NKAIN2: variants seen among roughly 807,000 people sequenced by gnomAD.
NKAIN2 encodes the protein sodium/potassium transporting ATPase interacting 2.
In NKAIN2, 14 loss-of-function variants were observed where a neutral mutation model predicts 32.6. That is an observed-to-expected ratio of 0.43 (90% CI 0.28 to 0.67). NKAIN2 has a LOEUF of 0.67. NKAIN2 is among the 30% of genes least tolerant of loss of function. NKAIN2 has a pLI of 0.17. For missense variants in NKAIN2, 198 were observed against 258.3 expected (o/e 0.77, Z 1.60); for synonymous variants, 80 against 87.2 (o/e 0.92, Z 0.46).
At chr6:124,102,669 G>GTGAA (rs1410934075) in intron 1 of NKAIN2, among the ~76,000 whole-genome samples, 3 of 152,130 alleles carry the variant, frequency 2.0e-5, no homozygotes, top group African/African-American at 7.2e-5. Flanking sequence ...GTCCTCTTTT[G>GTGAA]TGAATGTATT....
intron 1 of NKAIN2, among the ~76,000 whole-genome samples, chr6:124,278,650 C>CATTAT (rs1317788062): frequency 2.8e-4 from 19 of 68,992 alleles, no homozygotes; most frequent in African/African-American, 8.6e-4. Context: ...ATACATAGCT[C>CATTAT]ATATATATAT....
At chr6:124,180,608 C>T (rs1789393783) in intron 1 of NKAIN2, among the ~76,000 whole-genome samples, 1 of 152,172 alleles carries the variant, frequency 6.6e-6, no homozygotes, top group African/African-American at 2.4e-5. Flanking sequence ...CATGCCTTCC[C>T]AGCAGTCCCC....
intron 3 of NKAIN2, among the ~76,000 whole-genome samples, chr6:124,580,563 T>C (rs1010506376): frequency 4.6e-5 from 7 of 151,802 alleles, no homozygotes. Context: ...CAGAGAAAAT[T>C]ACCTTCACTA....
At chr6:124,067,911 C>A (rs1241309374) in intron 1 of NKAIN2, among the ~76,000 whole-genome samples, 1 of 152,082 alleles carries the variant, frequency 6.6e-6, no homozygotes, top group African/African-American at 2.4e-5. Flanking sequence ...AGAAACAAAG[C>A]AAAATCTAGT....
chr6:124,579,767 C>T (rs897814903), intron 3 of NKAIN2, among the ~76,000 whole-genome samples: 2 of 152,058 alleles, frequency 1.3e-5, no homozygotes, highest in African/African-American at 2.4e-5. Context: ...AATAAGACTA[C>T]CTTAAGACAT....
At chr6:124,730,755 C>T (rs1348658180) in intron 4 of NKAIN2, among the ~76,000 whole-genome samples, 1 of 151,814 alleles carries the variant, frequency 6.6e-6, no homozygotes, top group African/African-American at 2.4e-5. Context: ...AAAGAAACTA[C>T]CATCAGAGTG....
chr6:124,702,741 C>G (rs1774861277), intron 4 of NKAIN2, among the ~76,000 whole-genome samples: 1 of 152,046 alleles, frequency 6.6e-6, no homozygotes, highest in South Asian at 2.1e-4. Context: ...AGCCCAACTG[C>G]CAGCACAAAT....
At chr6:123,899,994 G>A (rs987397601) in intron 1 of NKAIN2, among the ~76,000 whole-genome samples, 2 of 152,114 alleles carry the variant, frequency 1.3e-5, no homozygotes, top group African/African-American at 4.8e-5. Flanking sequence ...CCTGCTTAGC[G>A]AGGCTGGGCT....
At chr6:124,301,789 C>T (rs574141277) in intron 2 of NKAIN2, among the ~76,000 whole-genome samples, 2 of 152,228 alleles carry the variant, frequency 1.3e-5, no homozygotes, top group South Asian at 4.1e-4. Context: ...GCATATTTAC[C>T]CAATGCCCAT....
At chr6:124,241,803 T>A (rs2114774310) in intron 1 of NKAIN2, among the ~76,000 whole-genome samples, 1 of 151,842 alleles carries the variant, frequency 6.6e-6, no homozygotes, top group African/African-American at 2.4e-5. Context: ...ATCTATTTAA[T>A]ATATTTTTTT....
chr6:124,138,197 A>G (rs1050724814), intron 1 of NKAIN2, among the ~76,000 whole-genome samples: 4 of 152,224 alleles, frequency 2.6e-5, no homozygotes, highest in Non-Finnish European at 5.9e-5. Context: ...ACAGTTCTCA[A>G]AAGAAGATAT....
chr6:124,513,095 C>G (rs1778778316), intron 3 of NKAIN2, among the ~76,000 whole-genome samples: 1 of 152,110 alleles, frequency 6.6e-6, no homozygotes, highest in Non-Finnish European at 1.5e-5. Flanking sequence ...GACTCACGGA[C>G]TCTTTACTGT....
At chr6:124,064,376 T>C (rs1170350098) in intron 1 of NKAIN2, among the ~76,000 whole-genome samples, 1 of 152,194 alleles carries the variant, frequency 6.6e-6, no homozygotes, top group Admixed American at 6.6e-5. Flanking sequence ...CCATATTAAA[T>C]GTGATTAGAT....
At chr6:124,631,081 A>C (rs1482737304) in intron 3 of NKAIN2, among the ~76,000 whole-genome samples, 1 of 152,186 alleles carries the variant, frequency 6.6e-6, no homozygotes, top group Non-Finnish European at 1.5e-5. Flanking sequence ...AATTTGAGTC[A>C]TTCCTTTGGT....
chr6:124,045,885 T>G (rs1273960756), intron 1 of NKAIN2, among the ~76,000 whole-genome samples: 1 of 152,034 alleles, frequency 6.6e-6, no homozygotes, highest in Non-Finnish European at 1.5e-5. Context: ...ATGTTTGAGT[T>G]TAAATTGAAA....
At position 124,825,313 on chromosome 6, in the gene NKAIN2, T is replaced by TCAC. The variant is rs1781543204; in HGVS notation, c.*2090_*2092dup. ...AGTTTTCACCAAATCACAACTATCATCACCACCAAAATTTTAAAAAACAGT... is the reference window on the plus strand; with the variant it reads ...AGTTTTCACCAAATCACAACTATCATCACCACCACCAAAATTTTAAAAAACAGT... On this transcript the variant is annotated 3_prime_UTR_variant, in exon 7 of 7. Coordinates refer to ENST00000368417, the MANE Select transcript of NKAIN2 (RefSeq NM_001040214.3). 6.6e-6 allele frequency: 1 copy of TCAC among 152,562 alleles called. No homozygotes were observed. The allele number at this position is 152,562 out of a possible 1,614,324, so 9.5% of individuals were successfully genotyped here.
chr6:124,244,389 T>A (rs1452131903), intron 1 of NKAIN2, among the ~76,000 whole-genome samples: 1 of 151,894 alleles, frequency 6.6e-6, no homozygotes, highest in East Asian at 1.9e-4. Context: ...TGATTTCCAG[T>A]TTCATCCATG....
chr6:124,124,789 A>C (rs1384283830), intron 1 of NKAIN2, among the ~76,000 whole-genome samples: 1 of 152,168 alleles, frequency 6.6e-6, no homozygotes, highest in African/African-American at 2.4e-5. Context: ...CTTTGGAAGT[A>C]TTACAGAGGT....
intron 1 of NKAIN2, among the ~76,000 whole-genome samples, chr6:124,183,024 A>G (rs1789526187): frequency 6.6e-6 from 1 of 152,110 alleles, no homozygotes; most frequent in East Asian, 1.9e-4. Context: ...GGAATTAATT[A>G]TTATTTTATT....
Sources: allele counts gnomAD v4.1 joint callset (sites outside exome capture counted in the v4.1 genomes callset), GRCh38; gene constraint gnomAD v4.1.1; transcripts MANE v1.5; gene names NCBI Gene and HGNC (gene_info 2026-07-23, HGNC 2026-07-21).